Variants in FTCDNL1 observed in about 807,000 individuals in gnomAD.
The protein encoded by FTCDNL1 is formiminotransferase N-terminal subdomain-containing protein.
FTCDNL1 carries 11 observed loss-of-function variants against 5.9 expected under a neutral mutation model. That is an observed-to-expected ratio of 1.87 (90% confidence interval 1.18 to 3.10). The LOEUF is 3.10. Among genes scored for constraint, FTCDNL1 ranks in the 30% most tolerant of loss-of-function variants. FTCDNL1 has a pLI of 0.00. For synonymous variants in FTCDNL1, 58 were observed against 24.8 expected, an observed-to-expected ratio of 2.34 and a Z score of -3.99; for missense variants, 115 against 65.5, an observed-to-expected ratio of 1.76 and a Z score of -2.61.
At chr2:199,702,844 G>A in the FTCDNL1 span, among the ~76,000 whole-genome samples, 5 of 152,244 alleles carry the variant, frequency 3.3e-5, no homozygotes, top group East Asian at 9.7e-4. Flanking sequence ...AGTGAGGACG[G>A]GAGCCCTGAA....
At chr2:199,802,796 A>G (rs1241384103) in intron 3 of FTCDNL1, among the ~76,000 whole-genome samples, 3 of 152,210 alleles carry the variant, frequency 2.0e-5, no homozygotes, top group Non-Finnish European at 4.4e-5. Context: ...TGTGCCTAGC[A>G]GCACAAAATG....
chr2:199,685,810 G>A, the FTCDNL1 span, among the ~76,000 whole-genome samples: 3 of 151,844 alleles, frequency 2.0e-5, no homozygotes, highest in Non-Finnish European at 2.9e-5. Context: ...TTAGAATATG[G>A]TGTCACAGAA....
the FTCDNL1 span, among the ~76,000 whole-genome samples, chr2:199,745,746 T>C: frequency 5.9e-5 from 9 of 152,358 alleles, no homozygotes; most frequent in Non-Finnish European, 1.0e-4. Context: ...TCCATTGTAC[T>C]GGTTCAGACA....
chr2:199,701,139 C>A, the FTCDNL1 span, among the ~76,000 whole-genome samples: 1 of 151,992 alleles, frequency 6.6e-6, no homozygotes, highest in Non-Finnish European at 1.5e-5. Flanking sequence ...CTTTGGCCAA[C>A]AATTATTTAA....
At position 199,841,150 on chromosome 2, in the gene FTCDNL1, TA is replaced by T. The variant is rs747796893; in HGVS notation, c.211+4924del. Among the ~76,000 whole-genome samples, 544 of 139,584 alleles carry T rather than the reference TA, an allele frequency of 3.9e-3. 5 individuals are homozygous for T. The highest frequency in any genetic ancestry group is 0.016 in the Middle Eastern group (4 of 254). 91.6% of individuals were successfully genotyped at this position (139,584 alleles called of 152,430 possible). On this transcript the variant is annotated intron_variant, in intron 3 of 4. Transcript: ENST00000420128. ...TGGCCAACCCAGCGAGATCCTGTCT[TA>T]AAAAAAAAAAAATTTAGAGACCTAA... is the stretch of plus-strand genomic sequence containing the variant.
the FTCDNL1 span, among the ~76,000 whole-genome samples, chr2:199,710,544 C>T: frequency 2.0e-5 from 3 of 152,084 alleles, no homozygotes; most frequent in African/African-American, 4.8e-5. Flanking sequence ...CTTTATAGAA[C>T]ATAATTATCA....
intron 3 of FTCDNL1, among the ~76,000 whole-genome samples, chr2:199,836,392 G>A (rs1001597220): frequency 2.6e-5 from 4 of 151,996 alleles, no homozygotes; most frequent in Admixed American, 6.6e-5. Flanking sequence ...GGCTGGTCTT[G>A]AACTCCTGGG....
chr2:199,726,474 C>T, the FTCDNL1 span, among the ~76,000 whole-genome samples: 3 of 152,066 alleles, frequency 2.0e-5, no homozygotes, highest in African/African-American at 7.2e-5. Context: ...GGCAGTCTGA[C>T]TTTTTTATTT....
chr2:199,753,996 C>G, the FTCDNL1 span, among the ~76,000 whole-genome samples: 15 of 152,104 alleles, frequency 9.9e-5, no homozygotes, highest in African/African-American at 3.6e-4. Context: ...AGATATTGCC[C>G]CTCCAAGACT....
At chr2:199,781,272 G>T (rs957481199) in intron 3 of FTCDNL1, among the ~76,000 whole-genome samples, 1 of 152,148 alleles carries the variant, frequency 6.6e-6, no homozygotes, top group Non-Finnish European at 1.5e-5. Flanking sequence ...TCTCAAGCGT[G>T]GAATATGCTA....
intron 3 of FTCDNL1, among the ~76,000 whole-genome samples, chr2:199,830,186 G>C (rs1173164570): frequency 1.3e-5 from 2 of 151,822 alleles, no homozygotes; most frequent in Non-Finnish European, 2.9e-5. Flanking sequence ...TTTTTAATGA[G>C]AAGAAGGTAA....
intron 3 of FTCDNL1, among the ~76,000 whole-genome samples, chr2:199,845,319 C>T (rs563425372): frequency 3.9e-5 from 6 of 152,214 alleles, no homozygotes; most frequent in Admixed American, 1.3e-4. Context: ...ATAATCCCAG[C>T]ACTTTGGGAG....
the FTCDNL1 span, among the ~76,000 whole-genome samples, chr2:199,717,631 C>T: frequency 1.3e-5 from 2 of 149,346 alleles, no homozygotes; most frequent in African/African-American, 4.9e-5. Flanking sequence ...TCATAAAAGC[C>T]CCTCTCCATC....
the FTCDNL1 span, among the ~76,000 whole-genome samples, chr2:199,715,219 C>G: frequency 6.6e-6 from 1 of 152,116 alleles, no homozygotes; most frequent in Non-Finnish European, 1.5e-5. Context: ...GTTATTTTGT[C>G]TTATATATAT....
the FTCDNL1 span, among the ~76,000 whole-genome samples, chr2:199,700,895 G>A: frequency 6.6e-6 from 1 of 151,816 alleles, no homozygotes; most frequent in African/African-American, 2.4e-5. Context: ...ACTCAAGATG[G>A]ATTAAAGACT....
the FTCDNL1 span, among the ~76,000 whole-genome samples, chr2:199,688,547 T>G: frequency 6.6e-6 from 1 of 152,094 alleles, no homozygotes; most frequent in Admixed American, 6.5e-5. Context: ...ACACCGATAA[T>G]GGTATTATCT....
the FTCDNL1 span, among the ~76,000 whole-genome samples, chr2:199,722,798 T>A: frequency 6.6e-6 from 1 of 152,324 alleles, no homozygotes; most frequent in African/African-American, 2.4e-5. Flanking sequence ...TCTGATTTCC[T>A]TGAGCAGTGT....
At chr2:199,664,467 A>G in the FTCDNL1 span, among the ~76,000 whole-genome samples, 1 of 152,222 alleles carries the variant, frequency 6.6e-6, no homozygotes, top group Non-Finnish European at 1.5e-5. Flanking sequence ...GAGCTAATTG[A>G]AAAATATTCA....
chr2:199,731,248 G>A, the FTCDNL1 span, among the ~76,000 whole-genome samples: 2 of 152,044 alleles, frequency 1.3e-5, no homozygotes, highest in South Asian at 4.2e-4. Context: ...ACACATGTGG[G>A]GCTTAAAACC....
Sources: allele counts gnomAD v4.1 joint callset (sites outside exome capture counted in the v4.1 genomes callset), GRCh38; gene constraint gnomAD v4.1.1; transcripts MANE v1.5; gene names NCBI Gene and HGNC (gene_info 2026-07-23, HGNC 2026-07-21).